The following BCHE variants were observed in gnomAD, a reference collection of about 807,000 sequenced individuals.
BCHE encodes the protein butyrylcholinesterase, also known as cholinesterase.
Under a neutral mutation model 51.3 loss-of-function variants are expected in BCHE, and 48 were observed. The observed-to-expected ratio is 0.94, with a 90% CI of 0.74 to 1.19. The LOEUF is 1.19. Ranked by LOEUF, BCHE falls within the 50% of genes most tolerant of loss-of-function variation. The pLI is 0.00. For missense variants in BCHE, 847 were observed against 708.2 expected (o/e 1.20, Z -2.23); for synonymous variants, 251 against 238.0 (o/e 1.05, Z -0.50).
intron 2 of BCHE, among the ~76,000 whole-genome samples, chr3:165,798,883 CA>C (rs1400994709): frequency 6.6e-6 from 1 of 151,708 alleles, no homozygotes; most frequent in Non-Finnish European, 1.5e-5. Flanking sequence ...ACGAAACAAA[CA>C]AACAAATAAT....
At chr3:165,774,166 T>C (rs974406093) in intron 3 of BCHE, among the ~76,000 whole-genome samples, 6 of 152,144 alleles carry the variant, frequency 3.9e-5, no homozygotes, top group Admixed American at 3.9e-4. Flanking sequence ...ATATGTTTAG[T>C]ATAGATGTAT....
intron 1 of BCHE, among the ~76,000 whole-genome samples, chr3:165,837,079 C>T (rs1253768273): frequency 6.6e-6 from 1 of 152,074 alleles, no homozygotes; most frequent in African/African-American, 2.4e-5. Flanking sequence ...TGAATAAATT[C>T]ATTATTTTCT....
intron 1 of BCHE, among the ~76,000 whole-genome samples, chr3:165,835,771 T>G (rs957384998): frequency 1.3e-5 from 2 of 151,944 alleles, no homozygotes; most frequent in East Asian, 3.9e-4. Context: ...TGTCCTCAAT[T>G]AGGAAGAACA....
intron 2 of BCHE, among the ~76,000 whole-genome samples, chr3:165,828,746 T>C (rs541420245): frequency 5.9e-5 from 9 of 152,298 alleles, no homozygotes; most frequent in African/African-American, 1.9e-4. Context: ...AAAAAACTAC[T>C]TTATTTTCTA....
chr3:165,818,296 T>C (rs1714381907), intron 2 of BCHE, among the ~76,000 whole-genome samples: 1 of 152,042 alleles, frequency 6.6e-6, no homozygotes. Flanking sequence ...AAAGTTTACC[T>C]AGTACACTGA....
intron 2 of BCHE, 133 bp downstream of exon 2, chr3:165,829,384 G>A (rs1714857599): frequency 7.3e-6 from 6 of 825,818 alleles, no homozygotes; most frequent in Non-Finnish European, 1.2e-5. Flanking sequence ...AATAAAACCA[G>A]CTTTGGTACA....
chr3:165,835,828 T>C (rs1038317392), intron 1 of BCHE, among the ~76,000 whole-genome samples: 2 of 151,956 alleles, frequency 1.3e-5, no homozygotes, highest in East Asian at 1.9e-4. Context: ...ATTAGAGAGA[T>C]TTCTTGAGTC....
chr3:165,819,890 A>G (rs765970937), intron 2 of BCHE, among the ~76,000 whole-genome samples: 1 of 152,156 alleles, frequency 6.6e-6, no homozygotes. Flanking sequence ...GAAGCATTAC[A>G]TCTGTGTGTA....
intron 2 of BCHE, among the ~76,000 whole-genome samples, chr3:165,803,453 A>G (rs1208463813): frequency 6.6e-6 from 1 of 152,186 alleles, no homozygotes; most frequent in Non-Finnish European, 1.5e-5. Context: ...ATAAAAAGTC[A>G]TATTCTTACT....
At chr3:165,779,019 C>G (rs949444288) in intron 3 of BCHE, among the ~76,000 whole-genome samples, 8 of 152,008 alleles carry the variant, frequency 5.3e-5, no homozygotes, top group African/African-American at 1.9e-4. Flanking sequence ...GTCACCCTCC[C>G]CACCCACAAA....
intron 2 of BCHE, among the ~76,000 whole-genome samples, chr3:165,800,707 A>T (rs1180818114): frequency 6.6e-6 from 1 of 152,084 alleles, no homozygotes; most frequent in African/African-American, 2.4e-5. Context: ...TTGATTTTTT[A>T]AAAATCCACA....
intron 2 of BCHE, among the ~76,000 whole-genome samples, chr3:165,821,424 A>G (rs1714511215): frequency 6.6e-6 from 1 of 151,742 alleles, no homozygotes; most frequent in Non-Finnish European, 1.5e-5. Flanking sequence ...AAAAACATGG[A>G]ATGATTCCAA....
At chr3:165,818,805 A>G (rs1714403027) in intron 2 of BCHE, among the ~76,000 whole-genome samples, 3 of 152,136 alleles carry the variant, frequency 2.0e-5, no homozygotes, top group Admixed American at 2.0e-4. Flanking sequence ...AATAAAATAC[A>G]TATATACGTA....
chr3:165,831,104 G>T, intron 1 of BCHE, 63 bp from the exon 2 acceptor site: 1 of 1,368,640 alleles, frequency 7.3e-7, no homozygotes, highest in Non-Finnish European at 1.0e-6. Context: ...ATACTTTATT[G>T]ATGATAATTA....
intron 2 of BCHE, among the ~76,000 whole-genome samples, chr3:165,813,018 C>T (rs1714165770): frequency 1.3e-5 from 2 of 151,160 alleles, no homozygotes; most frequent in African/African-American, 4.8e-5. Flanking sequence ...ACTCTATCAT[C>T]ATTACTTTTG....
In BCHE at chr3:165,773,249, G is replaced by A; in HGVS notation, c.*133C>T. On this transcript the variant is annotated 3_prime_UTR_variant, in exon 4 of 4. Coordinates refer to ENST00000264381, the MANE Select transcript of BCHE (RefSeq NM_000055.4). ...GTAAAATACTAAGTTAAAGATGTGA[G>A]GAATCAATATTATCCTTCTGGCATT... 1 of 787,998 alleles carries A rather than the reference G, an allele frequency of 1.3e-6. No homozygotes were observed. The highest frequency in any genetic ancestry group is 2.7e-5 in the East Asian group (1 of 36,492). 48.8% of individuals were successfully genotyped at this position (787,998 alleles called of 1,614,324 possible). A position where few individuals can be genotyped will look rare whatever the true frequency, so the allele number is the denominator to read the frequency against.
intron 2 of BCHE, among the ~76,000 whole-genome samples, chr3:165,805,801 G>C (rs906986346): frequency 2.0e-5 from 3 of 151,756 alleles, no homozygotes; most frequent in Non-Finnish European, 4.4e-5. Flanking sequence ...TCCGACATAC[G>C]TTCTTAACTC....
At chr3:165,801,720 C>G (rs573812509) in intron 2 of BCHE, among the ~76,000 whole-genome samples, 3 of 152,098 alleles carry the variant, frequency 2.0e-5, no homozygotes, top group Non-Finnish European at 4.4e-5. Flanking sequence ...CAAGTAAGAC[C>G]TTACTACTTA....
intron 2 of BCHE, among the ~76,000 whole-genome samples, chr3:165,823,454 T>C (rs886954673): frequency 2.0e-4 from 31 of 152,036 alleles, no homozygotes; most frequent in African/African-American, 7.0e-4. Flanking sequence ...GGCAATGAAT[T>C]TCAGAAACTG....
Sources: allele counts gnomAD v4.1 joint callset (sites outside exome capture counted in the v4.1 genomes callset), GRCh38; gene constraint gnomAD v4.1.1; transcripts MANE v1.5; gene names NCBI Gene and HGNC (gene_info 2026-07-23, HGNC 2026-07-21).